The following EML4 variants were observed in gnomAD, a reference collection of about 807,000 sequenced individuals.
The protein encoded by EML4 is echinoderm microtubule-associated protein-like 4.
In EML4, 72 loss-of-function variants were observed where a neutral mutation model predicts 129.0. The ratio of observed to expected loss-of-function variants is 0.56; its 90% confidence interval spans 0.46 to 0.68. The LOEUF (loss-of-function observed/expected upper bound fraction) is 0.68, where lower values mean the gene tolerates loss of function less well. EML4 is among the 30% of genes least tolerant of loss of function. The pLI, the probability that EML4 is intolerant of heterozygous loss-of-function variation, is 0.00. For synonymous variants in EML4, 532 were observed against 405.0 expected (o/e 1.31, Z -3.77); for missense variants, 1,363 against 1,190.6 (o/e 1.14, Z -2.13).
intron 1 of EML4, among the ~76,000 whole-genome samples, chr2:42,173,914 T>C (rs970488518): frequency 6.6e-6 from 1 of 152,094 alleles, no homozygotes; most frequent in Non-Finnish European, 1.5e-5. Context: ...GTACCAGAAA[T>C]GGGGATGAAG....
intron 1 of EML4, among the ~76,000 whole-genome samples, chr2:42,219,388 A>G (rs1338597874): frequency 6.6e-6 from 1 of 152,168 alleles, no homozygotes; most frequent in African/African-American, 2.4e-5. Context: ...CGGACTTGGT[A>G]TATGTAGGAG....
At chr2:42,189,579 C>T (rs890027788) in intron 1 of EML4, among the ~76,000 whole-genome samples, 1 of 152,110 alleles carries the variant, frequency 6.6e-6, no homozygotes, top group East Asian at 1.9e-4. Flanking sequence ...GAACCTGTCT[C>T]AAATAAATGA....
intron 1 of EML4, among the ~76,000 whole-genome samples, chr2:42,232,168 C>A (rs938543482): frequency 1.3e-5 from 2 of 151,998 alleles, no homozygotes; most frequent in Admixed American, 6.6e-5. Context: ...AGCTTTTTCC[C>A]TGAAATTAGA....
intron 11 of EML4, among the ~76,000 whole-genome samples, chr2:42,292,558 G>A (rs564563103): frequency 1.3e-5 from 2 of 152,292 alleles, no homozygotes; most frequent in South Asian, 4.1e-4. Context: ...GAATGAAACG[G>A]AGAAAAATAA....
Position 42,245,780 on chromosome 2 carries a change from G to C in EML4, c.208+93G>C, listed in dbSNP as rs141629548. 1.6e-3 allele frequency: 1,748 copies of C among 1,122,484 alleles called. 20 individuals carry two copies. The African/African-American group carries it at 0.026, about 16-fold the overall frequency. The allele number at this position is 1,122,484 out of a possible 1,614,324, so 69.5% of individuals were successfully genotyped here. A position where few individuals can be genotyped will look rare whatever the true frequency, so the allele number is the denominator to read the frequency against. On this transcript the variant is annotated intron_variant, in intron 2 of 22. Transcript: ENST00000318522. ...AAATATAAAACTAGTTTCTTATGTGGATTACTTGTGATTATAGTTTGTTTT... is the reference window on the plus strand; with the variant it reads ...AAATATAAAACTAGTTTCTTATGTGCATTACTTGTGATTATAGTTTGTTTT...
chr2:42,286,232 A>C, intron 9 of EML4, 37 bp from the exon 10 acceptor site: 3 of 1,175,880 alleles, frequency 2.6e-6, no homozygotes, highest in Non-Finnish European at 3.8e-6. Flanking sequence ...ATTTGCATCC[A>C]CCTGTCCAGT....
At chr2:42,274,995 G>C (rs1365215809) in intron 6 of EML4, among the ~76,000 whole-genome samples, 2 of 152,170 alleles carry the variant, frequency 1.3e-5, no homozygotes, top group Non-Finnish European at 2.9e-5. Context: ...GCTCAAGCTA[G>C]TACTATTTGG....
intron 3 of EML4, among the ~76,000 whole-genome samples, chr2:42,258,072 C>G (rs1436060025): frequency 1.3e-5 from 2 of 152,110 alleles, no homozygotes; most frequent in South Asian, 4.1e-4. Flanking sequence ...TGCACTGTTG[C>G]TTGTTGCTGT....
intron 6 of EML4, among the ~76,000 whole-genome samples, chr2:42,267,320 T>C (rs948990672): frequency 4.6e-5 from 7 of 152,240 alleles, no homozygotes; most frequent in Non-Finnish European, 8.8e-5. Flanking sequence ...TCATTGACTG[T>C]AAGTTGTATA....
At chr2:42,227,610 A>G (rs1473702598) in intron 1 of EML4, among the ~76,000 whole-genome samples, 1 of 152,054 alleles carries the variant, frequency 6.6e-6, no homozygotes. Flanking sequence ...TGAACAACAC[A>G]GGTTTGAACT....
intron 1 of EML4, among the ~76,000 whole-genome samples, chr2:42,176,233 G>T (rs146696557): frequency 6.6e-6 from 1 of 152,124 alleles, no homozygotes; most frequent in South Asian, 2.1e-4. Context: ...TCTAAGACTT[G>T]TCAATTCTTG....
intron 22 of EML4, among the ~76,000 whole-genome samples, 194 bp from the exon 23 acceptor site, chr2:42,329,540 T>C (rs1174430547): frequency 2.0e-5 from 3 of 152,184 alleles, no homozygotes; most frequent in African/African-American, 7.2e-5. Flanking sequence ...TTCTGTTTCG[T>C]TTTTCCTATG....
At chr2:42,243,909 T>G (rs1288821169) in intron 1 of EML4, among the ~76,000 whole-genome samples, 2 of 152,216 alleles carry the variant, frequency 1.3e-5, no homozygotes, top group Non-Finnish European at 2.9e-5. Flanking sequence ...ATTGTCTGAA[T>G]GACTGAAACA....
intron 6 of EML4, among the ~76,000 whole-genome samples, chr2:42,266,207 G>A (rs142719408): frequency 8.9e-4 from 135 of 152,274 alleles, no homozygotes; most frequent in African/African-American, 1.3e-3. Context: ...CATTCTAAAT[G>A]AAGTTGAATT....
At chr2:42,251,104 T>G (rs1675739202) in intron 2 of EML4, among the ~76,000 whole-genome samples, 1 of 152,216 alleles carries the variant, frequency 6.6e-6, no homozygotes, top group Non-Finnish European at 1.5e-5. Flanking sequence ...ACTCTCTGGC[T>G]TCTCACCTCC....
chr2:42,257,002 C>G (rs977527542), intron 3 of EML4, among the ~76,000 whole-genome samples: 2 of 152,126 alleles, frequency 1.3e-5, no homozygotes, highest in African/African-American at 4.8e-5. Context: ...AAAACAGAAT[C>G]TTCGATATAT....
At chr2:42,291,607 T>C (rs190787724) in intron 11 of EML4, among the ~76,000 whole-genome samples, 1 of 151,998 alleles carries the variant, frequency 6.6e-6, no homozygotes, top group Non-Finnish European at 1.5e-5. Flanking sequence ...AGTTTCACCA[T>C]GTTGGCCAGG....
At chr2:42,286,570 A>G (rs1425255561) in intron 10 of EML4, among the ~76,000 whole-genome samples, 191 bp downstream of exon 10, 2 of 152,322 alleles carry the variant, frequency 1.3e-5, no homozygotes, top group South Asian at 2.1e-4. Context: ...ACTTTGGTTT[A>G]GTTAGGATGC....
intron 2 of EML4, among the ~76,000 whole-genome samples, chr2:42,250,877 C>T (rs1421442514): frequency 1.3e-5 from 2 of 152,164 alleles, no homozygotes; most frequent in East Asian, 3.8e-4. Flanking sequence ...TGTTTTCCTG[C>T]AACTAGCTGG....
Sources: allele counts gnomAD v4.1 joint callset (sites outside exome capture counted in the v4.1 genomes callset), GRCh38; gene constraint gnomAD v4.1.1; transcripts MANE v1.5; gene names NCBI Gene and HGNC (gene_info 2026-07-23, HGNC 2026-07-21).